A2M: variants seen among roughly 807,000 people sequenced by gnomAD.
The protein encoded by A2M is C3 and PZP-like alpha-2-macroglobulin domain-containing protein 5.
In A2M, 128 loss-of-function variants were observed where a neutral mutation model predicts 183.9. The ratio of observed to expected loss-of-function variants is 0.70; its 90% CI spans 0.60 to 0.81. A2M has a LOEUF of 0.81. Among genes scored for constraint, A2M ranks in the 30% least tolerant of loss-of-function variants. A2M has a pLI of 0.00. For missense variants in A2M, 1,495 were observed against 1,787.6 expected, an observed-to-expected ratio of 0.84 and a Z score of 2.95; for synonymous variants, 592 against 670.8, an observed-to-expected ratio of 0.88 and a Z score of 1.81.
chr12:9,072,529 A>T (rs557673335), intron 30 of A2M, 43 bp from the exon 31 acceptor site: 12 of 1,603,006 alleles, frequency 7.5e-6, no homozygotes, highest in East Asian at 6.7e-5. Context: ...GCCCTTTCCC[A>T]GAATTCCTGT....
At chr12:9,107,682 A>G (rs1938400508) in intron 7 of A2M, 38 bp from the exon 8 acceptor site, 3 of 1,608,282 alleles carry the variant, frequency 1.9e-6, no homozygotes, top group Non-Finnish European at 2.6e-6. Flanking sequence ...CAGAGCAGAC[A>G]CTGAACCTCC....
intron 7 of A2M, among the ~76,000 whole-genome samples, chr12:9,108,320 G>T (rs966123500): frequency 6.6e-6 from 1 of 151,980 alleles, no homozygotes; most frequent in African/African-American, 2.4e-5. Context: ...TAGAGACGGG[G>T]TTTCACCATG....
chr12:9,111,456 T>G lies in A2M; in HGVS notation c.483+703A>C, dbSNP rs968382102. ...TTTGAAGGTTATTGTAATGATCTTA[T>G]TTAGAGATGACATTGACTAGGACTA... is the stretch of plus-strand genomic sequence containing the variant. On this transcript the variant is annotated intron_variant, in intron 4 of 35. Coordinates refer to ENST00000318602, the MANE Select transcript of A2M (RefSeq NM_000014.6). The G allele has an allele frequency of 2.0e-5, 9 of 452,846 alleles. No individual in the cohort carries two copies. In the East Asian group the frequency reaches 6.3e-4, roughly 32 times the overall value. 28.1% of individuals were successfully genotyped at this position (452,846 alleles called of 1,614,324 possible). A position where few individuals can be genotyped will look rare whatever the true frequency, so the allele number is the denominator to read the frequency against.
intron 21 of A2M, among the ~76,000 whole-genome samples, chr12:9,089,609 T>A (rs138925468): frequency 6.6e-6 from 1 of 151,922 alleles, no homozygotes; most frequent in Non-Finnish European, 1.5e-5. Flanking sequence ...GGCGTGGTGG[T>A]GCACACCTGT....
At position 9,079,714 on chromosome 12, in the gene A2M, C is replaced by T. The variant is rs754445861; in HGVS notation, c.2956G>A (p.Val986Ile). 5 of 1,613,556 alleles carry T rather than the reference C, an allele frequency of 3.1e-6. No homozygotes were observed. In the Admixed American group the frequency reaches 6.7e-5, roughly 22 times the overall value. ...NMVLFAPNIY[V>I]LDYLNETQQL... ...TGTGTTTCATTTAGATAATCCAGTA[C>T]ATAGATGTTAGGAGCAAAGAGGACC... The change falls in exon 24 of 36, where the codon GTA becomes ATA. Residue 986 changes from valine to isoleucine, a missense_variant. By Grantham distance (29) the Val-to-Ile change is conservative. Coordinates refer to ENST00000318602, the MANE Select transcript of A2M (RefSeq NM_000014.6).
rs375282521 is a variant in A2M, at chr12:9,104,300, T to C, written c.1205A>G (p.His402Arg). Residue 402 changes from histidine to arginine, a missense_variant, in exon 11 of 36, where the codon CAT (histidine) becomes CGT (arginine). Coordinates refer to ENST00000318602, the MANE Select transcript of A2M (RefSeq NM_000014.6). ...NYYSNATTDE[H>R]GLVQFSINTT... is the part of the protein sequence containing the mutation. Reference sequence around the variant, plus strand: ...GTTGATAGAGAACTGTACAAGGCCATGCTCATCCGTGGTAGCATTGGAGTA... The same window carrying C: ...GTTGATAGAGAACTGTACAAGGCCACGCTCATCCGTGGTAGCATTGGAGTA... The C allele has an allele frequency of 3.3e-5, 54 of 1,613,118 alleles. No individual in the cohort carries two copies. The highest frequency in any genetic ancestry group is 5.0e-5 in the Admixed American group (3 of 59,926).
chr12:9,095,393 C>G, intron 16 of A2M, 146 bp downstream of exon 16: 6 of 727,724 alleles, frequency 8.2e-6, no homozygotes, highest in Non-Finnish European at 1.3e-5. Context: ...TTTCGCAGAT[C>G]TGCTGCTATT....
In A2M at chr12:9,091,993, A is replaced by G. The variant is rs185691585; in HGVS notation, c.2241-564T>C. Among the ~76,000 whole-genome samples the G allele has an allele frequency of 2.9e-3, 449 of 152,362 alleles. 2 individuals carry two copies. The highest frequency in any genetic ancestry group is 4.2e-3 in the Non-Finnish European group (287 of 68,026). On this transcript the variant is annotated intron_variant, in intron 18 of 35. Coordinates refer to ENST00000318602, the MANE Select transcript of A2M (RefSeq NM_000014.6). ...TCCTGAAATTAGCAATGCGTTTGAA[A>G]GAAGTACTTCAGTACTGAAAAATTA...
chr12:9,101,324 C>A, intron 12 of A2M, 117 bp from the exon 13 acceptor site: 2 of 1,363,036 alleles, frequency 1.5e-6, no homozygotes, highest in South Asian at 2.6e-5. Flanking sequence ...CAAGAGAAAT[C>A]AAACTTTCAA....
chr12:9,089,087 A>G lies in A2M; in HGVS notation c.2770+113T>C, dbSNP rs1949130529. 4 of 824,996 alleles carry G rather than the reference A, an allele frequency of 4.8e-6. No individual in the cohort carries two copies. In the Admixed American group the frequency reaches 1.1e-4, roughly 22 times the overall value. The allele number at this position is 824,996 out of a possible 1,614,324, so 51.1% of individuals were successfully genotyped here. ...TTTTCCACATTTGTCAAATGCATTG[A>G]TGGTGCTTCAGGTCTTAGATCACAG... On this transcript the variant is annotated intron_variant, in intron 22 of 35. Transcript: ENST00000318602.
rs1461248523 is a variant in A2M, at chr12:9,115,793, C to A, written c.57G>T (p.Leu19=). The part of the protein sequence containing the change: ...PSLVLLLLVL[L]PTDASVSGKP... ...TTCCAGAGACTGAGGCGTCTGTGGG[C>A]AGGAGGACCAAGAGGAGAAGAACCA... Residue 19 remains leucine (L), a synonymous_variant, in exon 1 of 36, where the codon CTG becomes CTT. Transcript: ENST00000318602. 1 of 1,613,316 alleles carries A rather than the reference C, an allele frequency of 6.2e-7. No homozygotes were observed. The highest frequency in any genetic ancestry group is 8.5e-7 in the Non-Finnish European group (1 of 1,179,480).
At chr12:9,092,946 C>T (rs73244216) in intron 18 of A2M, among the ~76,000 whole-genome samples, 2,433 of 152,304 alleles carry the variant, frequency 0.016, 67 homozygotes, top group African/African-American at 0.056. Flanking sequence ...GATCCTGCCA[C>T]TTGTGACAAC....
At chr12:9,077,648 A>G in intron 26 of A2M, 53 bp downstream of exon 26, 2 of 1,594,250 alleles carry the variant, frequency 1.3e-6, no homozygotes, top group Non-Finnish European at 1.7e-6. Context: ...TCCTATCCTC[A>G]TCCTTGCAGA....
intron 1 of A2M, among the ~76,000 whole-genome samples, chr12:9,114,980 G>A (rs963721036): frequency 1.3e-5 from 2 of 152,062 alleles, no homozygotes; most frequent in Admixed American, 1.3e-4. Flanking sequence ...TTCCCCCAGT[G>A]AATTTATGCA....
At chr12:9,094,886 G>T in intron 17 of A2M, 87 bp downstream of exon 17, 2 of 646,586 alleles carry the variant, frequency 3.1e-6, no homozygotes, top group Admixed American at 3.5e-5. Context: ...CTTTTTGTTT[G>T]TTAATTTTTG....
intron 29 of A2M, among the ~76,000 whole-genome samples, chr12:9,073,572 A>T (rs1214970385): frequency 6.6e-6 from 1 of 152,222 alleles, no homozygotes; most frequent in Non-Finnish European, 1.5e-5. Flanking sequence ...CATTCATATG[A>T]TAAAAGATTA....
chr12:9,104,509 G>A, intron 10 of A2M, 109 bp from the exon 11 acceptor site: 10 of 1,190,910 alleles, frequency 8.4e-6, no homozygotes, highest in South Asian at 3.2e-5. Flanking sequence ...CATGGTTCCA[G>A]GCACTGAGGA....
intron 17 of A2M, 75 bp from the exon 18 acceptor site, chr12:9,093,654 C>CA (rs75521813): frequency 0.14 from 70,654 of 490,220 alleles, 184 homozygotes; most frequent in East Asian, 0.18. Context: ...TAGTTGCCAC[C>CA]AAAAAAAAAA....
chr12:9,097,343 T>C (rs1949412672), intron 15 of A2M, among the ~76,000 whole-genome samples: 1 of 152,174 alleles, frequency 6.6e-6, no homozygotes, highest in Non-Finnish European at 1.5e-5. Flanking sequence ...TAAATTATGG[T>C]AGTAGAAAAA....
Sources: gnomAD v4.1 joint callset for allele counts (sites outside exome capture counted in the v4.1 genomes callset) on GRCh38, gnomAD v4.1.1 for gene constraint, MANE v1.5 for transcripts, NCBI Gene and HGNC (gene_info 2026-07-23, HGNC 2026-07-21) for gene names.